Variants in HACL1 observed in about 807,000 individuals in gnomAD.
HACL1 encodes 1600020H07Rik.
HACL1 carries 64 observed loss-of-function variants against 74.2 expected under a neutral mutation model. The ratio of observed to expected loss-of-function variants is 0.86; its 90% CI spans 0.70 to 1.06. The LOEUF (loss-of-function observed/expected upper bound fraction) is 1.06. HACL1 is among the 50% of genes least tolerant of loss of function. HACL1 has a pLI of 0.00. For missense variants in HACL1, 728 were observed against 719.7 expected (o/e 1.01, Z -0.13); for synonymous variants, 230 against 238.8 (o/e 0.96, Z 0.34).
At position 15,596,460 on chromosome 3, in the gene HACL1, G is replaced by A. The variant is rs768635573; in HGVS notation, c.187-36C>T. 6 of 1,373,036 alleles carry A rather than the reference G, an allele frequency of 4.4e-6. No individual in the cohort carries two copies. The South Asian group carries it at 5.8e-5, about 13-fold the overall frequency. The allele number at this position is 1,373,036 out of a possible 1,614,324, so 85.1% of individuals were successfully genotyped here. A position where few individuals can be genotyped will look rare whatever the true frequency, so the allele number is the denominator to read the frequency against. On this transcript the variant is annotated intron_variant, in intron 2 of 16. Transcript: ENST00000321169. ...ACAACACTGGGACTTGAGCATATTGGGATCCTTATAGTACATTTATGACAG... is the reference window on the plus strand; with the variant it reads ...ACAACACTGGGACTTGAGCATATTGAGATCCTTATAGTACATTTATGACAG...
chr3:15,597,876 T>C (rs1301631663), intron 2 of HACL1, among the ~76,000 whole-genome samples: 2 of 152,126 alleles, frequency 1.3e-5, no homozygotes, highest in African/African-American at 4.8e-5. Context: ...CCCAAAAGAA[T>C]TGCCCACTTA....
At chr3:15,594,035 G>C (rs2064011322) in intron 3 of HACL1, among the ~76,000 whole-genome samples, 2 of 152,108 alleles carry the variant, frequency 1.3e-5, no homozygotes, top group East Asian at 1.9e-4. Context: ...CTGGCCTCAG[G>C]TGATCCACCC....
At position 15,571,834 on chromosome 3, in the gene HACL1, T is replaced by TC. The variant is rs1317518801; in HGVS notation, c.994-66_994-65insG. 4.0e-5 allele frequency: 20 copies of TC among 494,600 alleles called. No homozygotes were observed. In the Middle Eastern group the frequency reaches 2.1e-3, roughly 51 times the overall value. The allele number at this position is 494,600 out of a possible 1,614,324, so 30.6% of individuals were successfully genotyped here. On this transcript the variant is annotated intron_variant, in intron 11 of 16. Transcript: ENST00000321169. ...TTTTTCTTTGCCTTTTTTTTCTTTTTTTTTTTTTTTTTTTTTTTTTTTTGA... is the reference window on the plus strand; with the variant it reads ...TTTTTCTTTGCCTTTTTTTTCTTTTTCTTTTTTTTTTTTTTTTTTTTTTTGA...
intron 2 of HACL1, among the ~76,000 whole-genome samples, chr3:15,600,429 T>C (rs1190587414): frequency 6.6e-6 from 1 of 152,256 alleles, no homozygotes; most frequent in Non-Finnish European, 1.5e-5. Context: ...GCAAGGTGGA[T>C]TGGCAGAGGA....
At chr3:15,597,507 T>TC (rs1252499556) in intron 2 of HACL1, among the ~76,000 whole-genome samples, 3 of 148,126 alleles carry the variant, frequency 2.0e-5, no homozygotes, top group Non-Finnish European at 4.4e-5. Context: ...ATCATTTTTT[T>TC]CCCAGTATTA....
chr3:15,575,114 A>C (rs753401997), intron 9 of HACL1, 32 bp from the exon 10 acceptor site: 2 of 1,042,638 alleles, frequency 1.9e-6, no homozygotes, highest in Non-Finnish European at 3.0e-6. Flanking sequence ...AAGTATAACT[A>C]CATTTCTTAT....
Position 15,601,119 on chromosome 3 carries a change from T to C in HACL1, c.157A>G (p.Lys53Glu). The C allele has an allele frequency of 6.2e-7, 1 of 1,613,466 alleles. No individual in the cohort carries two copies. The highest frequency in any genetic ancestry group is 8.5e-7 in the Non-Finnish European group (1 of 1,179,340). The change falls in exon 2 of 17, where the codon AAG (lysine) becomes GAG (glutamate). Residue 53 changes from lysine to glutamate, a missense_variant. Transcript: ENST00000321169. ...TGCTCATTCCTCATCCCGATGTACT[T>C]GATGCCTAGCTGCTGGGCAGCAATG... ...IAIAAQQLGI[K>E]YIGMRNEQAA... is the part of the protein sequence containing the mutation.
intron 4 of HACL1, 58 bp from the exon 5 acceptor site, chr3:15,589,670 T>C (rs1489928558): frequency 1.0e-6 from 1 of 970,336 alleles, no homozygotes; most frequent in African/African-American, 1.6e-5. Context: ...TGTAAAACAC[T>C]AAACACAGTG....
chr3:15,589,208 A>G lies in HACL1; in HGVS notation c.381+332T>C, dbSNP rs191928216. Reference sequence around the variant, plus strand: ...TGTATTGTGTTACTAAAATCTTAAGAGTTGCAGGCCAAGTGCGGTGGCTCA... The same window carrying G: ...TGTATTGTGTTACTAAAATCTTAAGGGTTGCAGGCCAAGTGCGGTGGCTCA... On this transcript the variant is annotated intron_variant, in intron 5 of 16. Coordinates refer to ENST00000321169, the MANE Select transcript of HACL1 (RefSeq NM_012260.4). Among the ~76,000 whole-genome samples, 28 of 152,290 alleles carry G rather than the reference A, an allele frequency of 1.8e-4. No homozygotes were observed. In the East Asian group the frequency reaches 5.0e-3, roughly 27 times the overall value.
intron 3 of HACL1, 97 bp downstream of exon 3, chr3:15,596,287 T>C: frequency 1.4e-6 from 1 of 708,698 alleles, no homozygotes; most frequent in Admixed American, 2.2e-5. Flanking sequence ...TATATTTTTC[T>C]ATAATCTTTC....
chr3:15,568,020 T>C lies in HACL1; in HGVS notation c.1251-18A>G. ...CATCAAGCCTGTTGGAGAACAAAGTTAAAATGAAACCCTCTGGGGCATGTC... is the reference window on the plus strand; with the variant it reads ...CATCAAGCCTGTTGGAGAACAAAGTCAAAATGAAACCCTCTGGGGCATGTC... On this transcript the variant is annotated intron_variant, in intron 13 of 16. Coordinates refer to ENST00000321169, the MANE Select transcript of HACL1 (RefSeq NM_012260.4). The C allele has an allele frequency of 6.2e-7, 1 of 1,613,068 alleles. No homozygotes were observed. Among genetic ancestry groups the C allele is most frequent in the Non-Finnish European group, 8.5e-7 (1 of 1,179,048 alleles).
intron 16 of HACL1, among the ~76,000 whole-genome samples, chr3:15,562,336 A>G (rs139150943): frequency 1.9e-3 from 293 of 152,276 alleles, no homozygotes; most frequent in African/African-American, 6.8e-3. Flanking sequence ...TTCTGCATTC[A>G]TCTTCCTCAT....
intron 4 of HACL1, 106 bp downstream of exon 4, chr3:15,591,492 GTT>G (rs11296184): frequency 9.2e-6 from 5 of 542,612 alleles, no homozygotes; most frequent in East Asian, 7.0e-5. Context: ...AATTGAAGGG[GTT>G]TTTTTTTTCC....
chr3:15,600,890 C>CAAAG (rs1162484052), intron 2 of HACL1, 200 bp downstream of exon 2: 1 of 610,336 alleles, frequency 1.6e-6, no homozygotes, highest in East Asian at 2.8e-5. Flanking sequence ...GCTGTGTCAC[C>CAAAG]AAAGGCAAGT....
intron 3 of HACL1, among the ~76,000 whole-genome samples, chr3:15,593,723 C>T (rs552884863): frequency 5.1e-4 from 76 of 148,920 alleles, no homozygotes; most frequent in Middle Eastern, 3.6e-3. Context: ...AATATAACGT[C>T]GACTGATCTT....
At chr3:15,592,089 CACACA>C (rs1425569475) in intron 3 of HACL1, among the ~76,000 whole-genome samples, 84 of 132,594 alleles carry the variant, frequency 6.3e-4, no homozygotes, top group African/African-American at 2.4e-3. Flanking sequence ...CGTATATATA[CACACA>C]CTATATACGT....
chr3:15,591,617 A>T lies in HACL1; in HGVS notation c.291T>A (p.Asn97Lys). The T allele has an allele frequency of 6.2e-7, 1 of 1,604,914 alleles. No homozygotes were observed. Among genetic ancestry groups the T allele is most frequent in the Non-Finnish European group, 8.5e-7 (1 of 1,171,824 alleles). Residue 97 changes from asparagine to lysine, a missense_variant, in exon 4 of 17, where the codon AAT (asparagine) becomes AAA (lysine). Transcript: ENST00000321169. ...GTCATTACCAGCAGTTCATGTTTGC[A>T]TTTGCCATACCGCCCAAGGCATGGA... ...GLIHALGGMA[N>K]ANMNCWPLLV...
chr3:15,588,546 C>T (rs6769235), intron 5 of HACL1, among the ~76,000 whole-genome samples: 3,005 of 151,984 alleles, frequency 0.02, 104 homozygotes, highest in African/African-American at 0.069. Flanking sequence ...TGAGCCAAGA[C>T]TGCGCCACTG....
In HACL1 at chr3:15,601,186, C is replaced by CGA; in HGVS notation, c.89_90insTC (p.Glu30AspfsTer8). ...GGATGCCTACGATGCCAAATATGTA[C>CGA]TCCACATCCTGAGGAACGAAGAACA... On this transcript the variant is annotated frameshift_variant, in exon 2 of 17. Transcript: ENST00000321169. LOFTEE classifies it high-confidence loss of function. The CGA allele has an allele frequency of 1.2e-6, 2 of 1,611,316 alleles. No homozygotes were observed. The highest frequency in any genetic ancestry group is 1.7e-6 in the Non-Finnish European group (2 of 1,177,398).
Sources: allele counts gnomAD v4.1 joint callset (sites outside exome capture counted in the v4.1 genomes callset), GRCh38; gene constraint gnomAD v4.1.1; transcripts MANE v1.5; gene names NCBI Gene and HGNC (gene_info 2026-07-23, HGNC 2026-07-21).